The following MAP2K6 variants were observed in gnomAD, a reference collection of about 807,000 sequenced individuals.
MAP2K6 encodes the protein dual specificity mitogen-activated protein kinase kinase 6.
Under a neutral mutation model 53.7 loss-of-function variants are expected in MAP2K6, and 16 were observed. The ratio of observed to expected loss-of-function variants is 0.30; its 90% CI spans 0.20 to 0.45. The LOEUF is 0.45. Among genes scored for constraint, MAP2K6 ranks in the 20% least tolerant of loss-of-function variants. The pLI is 1.00. For missense variants in MAP2K6, 204 were observed against 411.9 expected, an observed-to-expected ratio of 0.50 and a Z score of 4.37; for synonymous variants, 132 against 143.1, an observed-to-expected ratio of 0.92 and a Z score of 0.55.
chr17:69,523,408 G>T, intron 7 of MAP2K6, 106 bp from the exon 8 acceptor site: 1 of 1,460,754 alleles, frequency 6.8e-7, no homozygotes, highest in South Asian at 1.2e-5. Flanking sequence ...GCAGCTTGGG[G>T]AAAGGAAGAT....
intron 1 of MAP2K6, among the ~76,000 whole-genome samples, chr17:69,495,318 C>T (rs1453155127): frequency 2.6e-5 from 4 of 151,914 alleles, no homozygotes; most frequent in Non-Finnish European, 5.9e-5. Context: ...GGCTCACTGC[C>T]TCCACCTTCC....
At chr17:69,425,971 G>GA (rs895161339) in intron 1 of MAP2K6, among the ~76,000 whole-genome samples, 67 of 146,754 alleles carry the variant, frequency 4.6e-4, no homozygotes, top group African/African-American at 1.3e-3. Context: ...TTTGCCATTT[G>GA]AAAAAAAAAA....
At chr17:69,500,579 AC>A (rs1283203623) in intron 1 of MAP2K6, among the ~76,000 whole-genome samples, 1 of 151,848 alleles carries the variant, frequency 6.6e-6, no homozygotes, top group African/African-American at 2.4e-5. Flanking sequence ...ACATGGTGAA[AC>A]CCCATCTGTA....
At chr17:69,467,675 A>G (rs1218881116) in intron 1 of MAP2K6, among the ~76,000 whole-genome samples, 2 of 152,170 alleles carry the variant, frequency 1.3e-5, no homozygotes, top group East Asian at 3.8e-4. Flanking sequence ...GTACATATCT[A>G]TGTATAACAG....
rs930110948 is a variant in MAP2K6 at position 69,544,846 on chromosome 17, A to G, written c.*3093A>G. 5 of 152,140 alleles carry G rather than the reference A, an allele frequency of 3.3e-5. No homozygotes were observed. Among genetic ancestry groups the G allele is most frequent in the African/African-American group, 1.2e-4 (5 of 41,428 alleles). 9.4% of individuals were successfully genotyped at this position (152,140 alleles called of 1,614,324 possible). ...ATATTTATATTCATAATGCTATTAA[A>G]TTATTTTTGCCACTCCTCTTTCAGA... On this transcript the variant is annotated 3_prime_UTR_variant, in exon 12 of 12. Transcript: ENST00000590474.
chr17:69,452,582 C>T (rs1907267296), intron 1 of MAP2K6, among the ~76,000 whole-genome samples: 1 of 152,168 alleles, frequency 6.6e-6, no homozygotes, highest in Non-Finnish European at 1.5e-5. Flanking sequence ...CCACTGTCTT[C>T]CTTCCAGAAG....
intron 7 of MAP2K6, 70 bp from the exon 8 acceptor site, chr17:69,523,444 C>T (rs1467393452): frequency 1.3e-5 from 21 of 1,595,116 alleles, no homozygotes; most frequent in Non-Finnish European, 1.7e-5. Context: ...ATTTTAGGCC[C>T]TCTGGTGGCA....
At chr17:69,502,464 T>C (rs1164658486) in intron 1 of MAP2K6, 5 of 985,404 alleles carry the variant, frequency 5.1e-6, no homozygotes, top group East Asian at 2.3e-4. Flanking sequence ...GATTTGTATT[T>C]TATTTGATGT....
At chr17:69,512,347 T>G (rs1028172834) in intron 2 of MAP2K6, among the ~76,000 whole-genome samples, 5 of 124,218 alleles carry the variant, frequency 4.0e-5, no homozygotes, top group Admixed American at 1.6e-4. Context: ...TTGTTTTTTT[T>G]TTTTTTTTTT....
chr17:69,496,480 C>T (rs1361667196), intron 1 of MAP2K6, among the ~76,000 whole-genome samples: 3 of 152,038 alleles, frequency 2.0e-5, no homozygotes, highest in Non-Finnish European at 1.5e-5. Flanking sequence ...GCGATTCTCC[C>T]GCCTCAGCCT....
rs1334365130 is a variant in MAP2K6 at position 69,502,614 on chromosome 17, T to C, written c.17-3166T>C. On this transcript the variant is annotated intron_variant, in intron 1 of 11. Coordinates refer to ENST00000590474, the MANE Select transcript of MAP2K6 (RefSeq NM_002758.4). ...TTAAGATATGCAGATGTCCAACTTATATACATAGTCAAGGGTTTAGAGTCT... is the reference window on the plus strand; with the variant it reads ...TTAAGATATGCAGATGTCCAACTTACATACATAGTCAAGGGTTTAGAGTCT... The C allele has an allele frequency of 9.1e-6, 9 of 985,294 alleles. No homozygotes were observed. In the Admixed American group the frequency reaches 2.5e-4, roughly 27 times the overall value. The allele number at this position is 985,294 out of a possible 1,614,324, so 61.0% of individuals were successfully genotyped here. A position where few individuals can be genotyped will look rare whatever the true frequency, so the allele number is the denominator to read the frequency against.
At chr17:69,445,681 G>A (rs1251283814) in intron 1 of MAP2K6, among the ~76,000 whole-genome samples, 1 of 151,994 alleles carries the variant, frequency 6.6e-6, no homozygotes, top group Non-Finnish European at 1.5e-5. Context: ...TGAACCATGA[G>A]TATTTCCCTA....
intron 1 of MAP2K6, among the ~76,000 whole-genome samples, chr17:69,484,263 A>G (rs1908446765): frequency 6.6e-6 from 1 of 152,076 alleles, no homozygotes; most frequent in Admixed American, 6.6e-5. Flanking sequence ...TAAAAAAATG[A>G]GTGAAGGATT....
intron 1 of MAP2K6, among the ~76,000 whole-genome samples, chr17:69,460,257 A>G (rs1907578174): frequency 6.6e-6 from 1 of 152,170 alleles, no homozygotes; most frequent in South Asian, 2.1e-4. Context: ...GGAGGGTGTC[A>G]TGAAGGTGGG....
chr17:69,466,542 C>T (rs915294937), intron 1 of MAP2K6, among the ~76,000 whole-genome samples: 4 of 152,188 alleles, frequency 2.6e-5, no homozygotes, highest in African/African-American at 9.7e-5. Flanking sequence ...ATTTGTTTCT[C>T]AAGCCATCGG....
chr17:69,516,247 C>G (rs1056837343), intron 2 of MAP2K6, among the ~76,000 whole-genome samples: 8 of 151,490 alleles, frequency 5.3e-5, no homozygotes, highest in African/African-American at 1.9e-4. Flanking sequence ...TGATGGGAGA[C>G]AGCAACAGAT....
intron 1 of MAP2K6, among the ~76,000 whole-genome samples, chr17:69,436,045 C>T (rs1906631480): frequency 6.6e-6 from 1 of 151,828 alleles, no homozygotes. Context: ...AAATGTGCTG[C>T]CAGCATTAGA....
rs1003288401 is a variant in MAP2K6, at chr17:69,546,540, A to G, written c.*4787A>G. ...CAGAGAAACAATTCTGTTTCTCTTA[A>G]AAGTGTCTAACAAAACACTTTTTTC... On this transcript the variant is annotated 3_prime_UTR_variant, in exon 12 of 12. Transcript: ENST00000590474. The G allele has an allele frequency of 2.0e-5, 3 of 152,192 alleles. No homozygotes were observed. The highest frequency in any genetic ancestry group is 4.4e-5 in the Non-Finnish European group (3 of 68,040). The allele number at this position is 152,192 out of a possible 1,614,324, so 9.4% of individuals were successfully genotyped here.
chr17:69,500,005 G>A lies in MAP2K6; in HGVS notation c.17-5775G>A, dbSNP rs189009918. On this transcript the variant is annotated intron_variant, in intron 1 of 11. Coordinates refer to ENST00000590474, the MANE Select transcript of MAP2K6 (RefSeq NM_002758.4). The stretch of plus-strand genomic sequence containing the variant: ...AGCTCTGGGAAGGTTCTATGAGGGA[G>A]GTTTTGAATTTGGAAGGTTGAGTTC... 7.2e-5 allele frequency among the ~76,000 whole-genome samples: 11 copies of A among 152,270 alleles called. No homozygotes were observed. In the East Asian group the frequency reaches 1.9e-3, roughly 27 times the overall value.
Sources: gnomAD v4.1 joint callset for allele counts (sites outside exome capture counted in the v4.1 genomes callset) on GRCh38, gnomAD v4.1.1 for gene constraint, MANE v1.5 for transcripts, NCBI Gene and HGNC (gene_info 2026-07-23, HGNC 2026-07-21) for gene names.